Variants in RXFP1 observed in about 807,000 individuals in gnomAD.
The protein encoded by RXFP1 is relaxin family peptide receptor 1, also known as relaxin receptor 1.
In RXFP1, 73 loss-of-function variants were observed where a neutral mutation model predicts 89.8. The ratio of observed to expected loss-of-function variants is 0.81; its 90% CI spans 0.67 to 0.99. The LOEUF is 0.99. Among genes scored for constraint, RXFP1 ranks in the 50% least tolerant of loss-of-function variants. RXFP1 has a pLI of 0.00. For missense variants in RXFP1, 793 were observed against 895.5 expected (o/e 0.89, Z 1.46); for synonymous variants, 277 against 305.5 (o/e 0.91, Z 0.97).
intron 4 of RXFP1, 39 bp downstream of exon 4, chr4:158,599,470 A>T: frequency 6.7e-7 from 1 of 1,498,516 alleles, no homozygotes; most frequent in Non-Finnish European, 9.2e-7. Context: ...ACAGCTGGGT[A>T]GCACCTGTAA....
At chr4:158,584,241 T>C (rs1173692714) in intron 2 of RXFP1, among the ~76,000 whole-genome samples, 1 of 152,136 alleles carries the variant, frequency 6.6e-6, no homozygotes, top group Non-Finnish European at 1.5e-5. Context: ...GAGACCAGCC[T>C]GGCCAACATG....
intron 13 of RXFP1, 122 bp from the exon 14 acceptor site, chr4:158,639,138 A>C (rs1043389337): frequency 1.7e-6 from 1 of 583,208 alleles, no homozygotes; most frequent in Non-Finnish European, 3.1e-6. Flanking sequence ...GAGTATAATT[A>C]TTTTGTTCAG....
At chr4:158,567,335 G>C (rs987050598) in intron 1 of RXFP1, among the ~76,000 whole-genome samples, 1 of 152,342 alleles carries the variant, frequency 6.6e-6, no homozygotes, top group South Asian at 2.1e-4. Flanking sequence ...CCCTGTGAGC[G>C]ATCCACTGAG....
intron 1 of RXFP1, among the ~76,000 whole-genome samples, chr4:158,544,570 G>A (rs1049274525): frequency 2.0e-5 from 3 of 151,988 alleles, no homozygotes; most frequent in Non-Finnish European, 4.4e-5. Flanking sequence ...TTTACATTAG[G>A]TATATACCCT....
intron 1 of RXFP1, among the ~76,000 whole-genome samples, chr4:158,555,946 C>T (rs1751189276): frequency 6.6e-6 from 1 of 152,122 alleles, no homozygotes. Context: ...GAATTCAAGA[C>T]TTAAATGTAA....
intron 1 of RXFP1, among the ~76,000 whole-genome samples, chr4:158,544,874 T>A (rs1389447120): frequency 6.6e-6 from 1 of 152,214 alleles, no homozygotes; most frequent in African/African-American, 2.4e-5. Flanking sequence ...TGATTCCAAG[T>A]CCTTGCTATT....
rs1752435196 is a variant in RXFP1, at chr4:158,561,611, T to A, written c.50-11087T>A. On this transcript the variant is annotated intron_variant, in intron 1 of 17. Coordinates refer to ENST00000307765, the MANE Select transcript of RXFP1 (RefSeq NM_021634.4). ...TTGAATAAGAAATACACAATCTGTA[T>A]TTTTTTCTTTTTTTCTTTTTTTTTT... Among the ~76,000 whole-genome samples, 3 of 137,424 alleles carry A rather than the reference T, an allele frequency of 2.2e-5. No individual in the cohort carries two copies. In the Admixed American group the frequency reaches 2.3e-4, roughly 11 times the overall value. 90.2% of individuals were successfully genotyped at this position (137,424 alleles called of 152,430 possible).
rs75692566 is a variant in RXFP1 at position 158,583,095 on chromosome 4, G to A, written c.187+10260G>A. ...AGGAATTTAAGAGAAGGAAAACTTT[G>A]TTAATGCCCCAAAGTATTTTTCCTG... On this transcript the variant is annotated intron_variant, in intron 2 of 17. Transcript: ENST00000307765. 3.4e-3 allele frequency among the ~76,000 whole-genome samples: 512 copies of A among 152,294 alleles called. 2 individuals carry two copies. Among genetic ancestry groups the A allele is most frequent in the African/African-American group, 0.011 (461 of 41,550 alleles).
chr4:158,559,956 C>T (rs185590318), intron 1 of RXFP1, among the ~76,000 whole-genome samples: 1 of 152,346 alleles, frequency 6.6e-6, no homozygotes, highest in East Asian at 1.9e-4. Flanking sequence ...TCAGTAAGGA[C>T]TTCTTTCCCA....
At position 158,549,466 on chromosome 4, in the gene RXFP1, C is replaced by T. The variant is rs187623367; in HGVS notation, c.50-23232C>T. On this transcript the variant is annotated intron_variant, in intron 1 of 17. Transcript: ENST00000307765. ...TCTCTCAGCTCGTCAAACTCATTTTCCGTCCGGCTTTGTTCCGTTGCTAGT... is the reference window on the plus strand; with the variant it reads ...TCTCTCAGCTCGTCAAACTCATTTTTCGTCCGGCTTTGTTCCGTTGCTAGT... Among the ~76,000 whole-genome samples, 622 of 152,322 alleles carry T rather than the reference C, an allele frequency of 4.1e-3. 7 individuals carry two copies. Among genetic ancestry groups the T allele is most frequent in the African/African-American group, 0.014 (595 of 41,564 alleles).
intron 1 of RXFP1, among the ~76,000 whole-genome samples, chr4:158,546,561 T>C (rs1264667763): frequency 1.3e-5 from 2 of 152,174 alleles, no homozygotes; most frequent in Non-Finnish European, 2.9e-5. Flanking sequence ...AGTTTTTGTC[T>C]ATTCAGTATG....
chr4:158,532,694 C>G (rs1744354681), intron 1 of RXFP1, among the ~76,000 whole-genome samples: 1 of 152,150 alleles, frequency 6.6e-6, no homozygotes, highest in African/African-American at 2.4e-5. Flanking sequence ...CACTTCTCAC[C>G]AAAGACCACC....
At chr4:158,618,233 C>T (rs899666808) in intron 9 of RXFP1, among the ~76,000 whole-genome samples, 2 of 152,054 alleles carry the variant, frequency 1.3e-5, no homozygotes, top group Admixed American at 1.3e-4. Context: ...ATTACAGCCT[C>T]TGTAATCCCA....
At chr4:158,617,068 T>C (rs1223013381) in intron 8 of RXFP1, 63 bp from the exon 9 acceptor site, 5 of 1,075,184 alleles carry the variant, frequency 4.7e-6, no homozygotes, top group Non-Finnish European at 7.1e-6. Flanking sequence ...AATAATACCA[T>C]GTTTGACCCA....
chr4:158,543,734 A>G (rs1579461885), intron 1 of RXFP1: 1 of 982,092 alleles, frequency 1.0e-6, no homozygotes, highest in East Asian at 1.1e-4. Context: ...CTCCTGAAGA[A>G]TGAACTTTCA....
rs201166645 is a variant in RXFP1 at position 158,623,744 on chromosome 4, G to A, written c.756-3076G>A. ...TAGGATATGTCTTAAGTTCTGACTA[G>A]GGAGGTCGAAGTATTACAGTGTAGA... On this transcript the variant is annotated intron_variant, in intron 9 of 17. Transcript: ENST00000307765. 2.6e-5 allele frequency among the ~76,000 whole-genome samples: 4 copies of A among 152,178 alleles called. No homozygotes were observed. In the East Asian group the frequency reaches 7.7e-4, roughly 29 times the overall value.
In RXFP1 at chr4:158,626,805, A is replaced by G; in HGVS notation, c.756-15A>G. The G allele has an allele frequency of 6.7e-7, 1 of 1,491,136 alleles. No homozygotes were observed. The allele number at this position is 1,491,136 out of a possible 1,614,324, so 92.4% of individuals were successfully genotyped here. A position where few individuals can be genotyped will look rare whatever the true frequency, so the allele number is the denominator to read the frequency against. On this transcript the variant is annotated splice_polypyrimidine_tract_variant and intron_variant, in intron 9 of 17. Coordinates refer to ENST00000307765, the MANE Select transcript of RXFP1 (RefSeq NM_021634.4). ...GATTAAGATTTAGCTGTATCGTTTTATTTTTATGTTCCAGGGACCTTGAAG... is the reference window on the plus strand; with the variant it reads ...GATTAAGATTTAGCTGTATCGTTTTGTTTTTATGTTCCAGGGACCTTGAAG...
chr4:158,570,550 T>C (rs947476622), intron 1 of RXFP1, among the ~76,000 whole-genome samples: 2 of 152,106 alleles, frequency 1.3e-5, no homozygotes, highest in East Asian at 1.9e-4. Flanking sequence ...CTAAATTACA[T>C]GTCAAATATG....
chr4:158,557,656 G>C (rs186685059), intron 1 of RXFP1, among the ~76,000 whole-genome samples: 4 of 152,122 alleles, frequency 2.6e-5, no homozygotes, highest in Admixed American at 2.6e-4. Flanking sequence ...AAGCCACTGC[G>C]CCCAACCTAT....
Sources: allele counts gnomAD v4.1 joint callset (sites outside exome capture counted in the v4.1 genomes callset), GRCh38; gene constraint gnomAD v4.1.1; transcripts MANE v1.5; gene names NCBI Gene and HGNC (gene_info 2026-07-23, HGNC 2026-07-21).